Variants in FANCD2 observed in about 807,000 individuals in gnomAD.
FANCD2 encodes the protein Fanconi anemia group D2 protein.
Under a neutral mutation model 192.3 loss-of-function variants are expected in FANCD2, and 131 were observed. The observed-to-expected ratio is 0.68, with a 90% CI of 0.59 to 0.79. The LOEUF (loss-of-function observed/expected upper bound fraction) is 0.79, where lower values mean the gene tolerates loss of function less well. Ranked by LOEUF, FANCD2 falls within the 30% of genes least tolerant of loss-of-function variation. The probability of loss-of-function intolerance (pLI) is 0.00; values close to 1 mark genes in which losing one functional copy is unlikely to be tolerated. For missense variants in FANCD2, 1,508 were observed against 1,701.6 expected, an observed-to-expected ratio of 0.89 and a Z score of 2.00; for synonymous variants, 524 against 612.5, an observed-to-expected ratio of 0.86 and a Z score of 2.13.
At chr3:10,041,851 T>G (rs1287009970) in intron 10 of FANCD2, 141 bp downstream of exon 10, 1 of 693,400 alleles carries the variant, frequency 1.4e-6, no homozygotes, top group Non-Finnish European at 2.6e-6. Context: ...TCTTTTTTTT[T>G]TTTTTTCCCC....
intron 30 of FANCD2, among the ~76,000 whole-genome samples, chr3:10,079,921 CT>C (rs1158025491): frequency 1.5e-3 from 219 of 144,774 alleles, no homozygotes; most frequent in African/African-American, 2.5e-3. Flanking sequence ...TCTTCGTCTT[CT>C]TTTTTTTTTT....
chr3:10,067,393 C>G, intron 26 of FANCD2, 76 bp downstream of exon 26: 1 of 846,668 alleles, frequency 1.2e-6, no homozygotes, highest in Non-Finnish European at 2.0e-6. Context: ...TTCCCTGATA[C>G]CAAAACCAGA....
At chr3:10,034,324 C>CAA (rs879221957) in intron 3 of FANCD2, 145 bp from the exon 4 acceptor site, 4,323 of 412,712 alleles carry the variant, frequency 0.01, 7 homozygotes, top group African/African-American at 0.013. Flanking sequence ...AACTCCATCT[C>CAA]AAAAAAAAAA....
intron 15 of FANCD2, among the ~76,000 whole-genome samples, chr3:10,047,081 C>T (rs1221850724): frequency 6.6e-6 from 1 of 152,284 alleles, no homozygotes; most frequent in East Asian, 1.9e-4. Context: ...ATTTTATAAG[C>T]TAGGAATAGT....
At position 10,042,671 on chromosome 3, in the gene FANCD2, C is replaced by G. The variant is rs201124351; in HGVS notation, c.888+8C>G. The G allele has an allele frequency of 2.1e-5, 33 of 1,604,910 alleles. No individual in the cohort carries two copies. Among genetic ancestry groups the G allele is most frequent in the South Asian group, 4.4e-5 (4 of 90,854 alleles). The stretch of plus-strand genomic sequence containing the variant: ...GCCATGGATACACTTGAGGTATGCT[C>G]TTATATCCCATCACACCTAGATAAA... On this transcript the variant is annotated splice_region_variant and intron_variant, in intron 11 of 43. Coordinates refer to ENST00000675286, the MANE Select transcript of FANCD2 (RefSeq NM_001018115.3).
chr3:10,031,308 CT>C (rs1383644279), intron 2 of FANCD2, among the ~76,000 whole-genome samples: 2 of 152,092 alleles, frequency 1.3e-5, no homozygotes, highest in Non-Finnish European at 2.9e-5. Flanking sequence ...TTGAGACCAT[CT>C]TGGCTAACAT....
At chr3:10,063,254 G>A (rs2087619279) in intron 20 of FANCD2, among the ~76,000 whole-genome samples, 1 of 152,084 alleles carries the variant, frequency 6.6e-6, no homozygotes, top group Admixed American at 6.6e-5. Flanking sequence ...GGCCAACATG[G>A]TGAAATCCCA....
At position 10,067,298 on chromosome 3, in the gene FANCD2, C is replaced by G; in HGVS notation, c.2475C>G (p.Ile825Met). The G allele has an allele frequency of 6.2e-7, 1 of 1,610,972 alleles. No individual in the cohort carries two copies. The highest frequency in any genetic ancestry group is 8.5e-7 in the Non-Finnish European group (1 of 1,177,322). Residue 825 changes from isoleucine to methionine, a missense_variant, in exon 26 of 44, where the codon ATC (isoleucine) becomes ATG (methionine). Ile to Met is a conservative substitution (Grantham distance 10). Around this residue, in one of 5 missense-constraint regions of FANCD2, gnomAD observed 796 missense variants for 879.4 expected, o/e 0.91. Transcript: ENST00000675286. ...AGCACATTGTAGAATTGCAAATAAT[C>G]CTGGAAAAGTACTTGGCAGGTAAGA... ...RLKHIVELQIILEKYLAVTPD... is the reference protein window; with the variant it reads ...RLKHIVELQIMLEKYLAVTPD...
At chr3:10,036,376 G>C (rs779994204) in intron 7 of FANCD2, 37 bp downstream of exon 7, 6 of 1,464,380 alleles carry the variant, frequency 4.1e-6, no homozygotes, top group Non-Finnish European at 5.7e-6. Flanking sequence ...AAAGTACCCT[G>C]ATGTACTTAA....
Position 10,074,617 on chromosome 3 carries a change from A to G in FANCD2, c.2803A>G (p.Ile935Val), listed in dbSNP as rs61751578. Reference protein sequence around the residue: ...FRELDIEVFSILHCGLVTKFI... With the variant: ...FRELDIEVFSVLHCGLVTKFI... ...AGAGCTGGACATTGAGGTCTTCTCT[A>G]TTCTACATTGTGGACTTGTGACGAA... Residue 935 changes from isoleucine (I) to valine (V), a missense_variant, in exon 29 of 44, where the codon ATT (isoleucine) becomes GTT (valine). Physicochemically the swap from Ile to Val is conservative, Grantham distance 29. This residue lies in a region of FANCD2 where 796 missense variants were observed against 879.4 expected (regional missense o/e 0.91). Coordinates refer to ENST00000675286, the MANE Select transcript of FANCD2 (RefSeq NM_001018115.3). The G allele has an allele frequency of 6.2e-6, 10 of 1,613,768 alleles. No individual in the cohort carries two copies. The highest frequency in any genetic ancestry group is 8.5e-6 in the Non-Finnish European group (10 of 1,179,742).
rs1363482548 is a variant in FANCD2, at chr3:10,043,165, C to T, written c.989+15C>T. The T allele has an allele frequency of 1.9e-6, 3 of 1,603,810 alleles. No homozygotes were observed. The highest frequency in any genetic ancestry group is 2.7e-5 in the African/African-American group (2 of 74,682). On this transcript the variant is annotated intron_variant, in intron 12 of 43. Coordinates refer to ENST00000675286, the MANE Select transcript of FANCD2 (RefSeq NM_001018115.3). ...GGACGAGCAAGGTAAAGAGCTCATCCTCACACAGGATGTCACAATTTTCTG... is the reference window on the plus strand; with the variant it reads ...GGACGAGCAAGGTAAAGAGCTCATCTTCACACAGGATGTCACAATTTTCTG...
At chr3:10,035,484 G>T (rs879620977) in intron 6 of FANCD2, among the ~76,000 whole-genome samples, 8 of 152,124 alleles carry the variant, frequency 5.3e-5, no homozygotes, top group Admixed American at 5.2e-4. Flanking sequence ...TCTTAAAGCT[G>T]CATCCTGTGT....
chr3:10,091,816 C>T (rs1694628143), intron 37 of FANCD2, among the ~76,000 whole-genome samples: 1 of 152,158 alleles, frequency 6.6e-6, no homozygotes, highest in Non-Finnish European at 1.5e-5. Context: ...CAACTACCAC[C>T]GGGTGCAGTG....
intron 32 of FANCD2, among the ~76,000 whole-genome samples, chr3:10,084,984 C>T (rs978995690): frequency 3.9e-5 from 6 of 152,046 alleles, no homozygotes; most frequent in Non-Finnish European, 1.5e-5. Context: ...TTGATAGGGG[C>T]CTGGCCAAAA....
chr3:10,035,789 T>C (rs1375601592), intron 6 of FANCD2, among the ~76,000 whole-genome samples: 1 of 152,198 alleles, frequency 6.6e-6, no homozygotes, highest in Non-Finnish European at 1.5e-5. Context: ...TTATTTTAAG[T>C]CTAAGAGCTC....
intron 38 of FANCD2, among the ~76,000 whole-genome samples, chr3:10,093,044 C>G (rs1694747914): frequency 6.6e-6 from 1 of 152,136 alleles, no homozygotes. Context: ...TCTAATAATG[C>G]CATCTTCTCA....
At chr3:10,032,321 C>T (rs975804485) in intron 2 of FANCD2, 1 of 419,586 alleles carries the variant, frequency 2.4e-6, no homozygotes, top group Non-Finnish European at 4.7e-6. Flanking sequence ...CACTCTGTCA[C>T]CCAGGCTGGA....
chr3:10,096,111 A>G (rs1694942819), intron 41 of FANCD2, among the ~76,000 whole-genome samples: 1 of 152,160 alleles, frequency 6.6e-6, no homozygotes, highest in South Asian at 2.1e-4. Flanking sequence ...ATGAAGAGGA[A>G]CTAGAGGTGT....
intron 34 of FANCD2, among the ~76,000 whole-genome samples, chr3:10,087,767 G>C (rs1182298256): frequency 6.6e-6 from 1 of 152,128 alleles, no homozygotes; most frequent in African/African-American, 2.4e-5. Context: ...TCCTGCCTCA[G>C]CCTTTCAAGT....
Sources: gnomAD v4.1 joint callset for allele counts (sites outside exome capture counted in the v4.1 genomes callset) on GRCh38, gnomAD v4.1.1 for gene constraint, gnomAD v4.1.1 regional missense constraint, MANE v1.5 for transcripts, NCBI Gene and HGNC (gene_info 2026-07-23, HGNC 2026-07-21) for gene names.